CADPS: variants seen among roughly 807,000 people sequenced by gnomAD.
CADPS encodes calcium-dependent secretion activator 1.
In CADPS, 57 loss-of-function variants were observed where a neutral mutation model predicts 167.3. The ratio of observed to expected loss-of-function variants is 0.34; its 90% confidence interval spans 0.28 to 0.42. CADPS has a LOEUF of 0.42. CADPS is among the 20% of genes least tolerant of loss of function. The pLI is 1.00. For missense variants in CADPS, 1,414 were observed against 1,738.1 expected (o/e 0.81, Z 3.32); for synonymous variants, 676 against 635.3 (o/e 1.06, Z -0.96).
chr3:62,798,280 A>T (rs1179179009), intron 1 of CADPS, among the ~76,000 whole-genome samples: 1 of 152,144 alleles, frequency 6.6e-6, no homozygotes, highest in East Asian at 1.9e-4. Context: ...ATCAGCTGCC[A>T]GTGTGGCTAA....
At chr3:62,761,273 G>T (rs1052257755) in intron 2 of CADPS, among the ~76,000 whole-genome samples, 1 of 151,978 alleles carries the variant, frequency 6.6e-6, no homozygotes, top group Non-Finnish European at 1.5e-5. Context: ...TTTAATCACA[G>T]TCGGTTTCTG....
chr3:62,749,225 C>T (rs1200904432), intron 3 of CADPS, among the ~76,000 whole-genome samples: 1 of 152,224 alleles, frequency 6.6e-6, no homozygotes, highest in Non-Finnish European at 1.5e-5. Context: ...TTGTTAAACT[C>T]TCTTGCTTTT....
chr3:62,516,199 G>A lies in CADPS; in HGVS notation c.2458-17C>T, dbSNP rs748761852. 1.2e-6 allele frequency: 2 copies of A among 1,612,642 alleles called. No individual in the cohort carries two copies. The highest frequency in any genetic ancestry group is 1.7e-6 in the Non-Finnish European group (2 of 1,179,120). On this transcript the variant is annotated splice_polypyrimidine_tract_variant and intron_variant, in intron 15 of 29. Transcript: ENST00000383710. ...CATCAAAACCTTCAAGTAGGAAAAA[G>A]AGGGATTATTAAGAAGGTTCAAGCA...
At chr3:62,841,573 TG>T (rs2076652477) in intron 1 of CADPS, among the ~76,000 whole-genome samples, 1 of 152,020 alleles carries the variant, frequency 6.6e-6, no homozygotes, top group Non-Finnish European at 1.5e-5. Flanking sequence ...AAAAATTAGC[TG>T]GGCGTGGTGG....
At chr3:62,767,699 G>A (rs2087278652) in intron 1 of CADPS, among the ~76,000 whole-genome samples, 2 of 151,934 alleles carry the variant, frequency 1.3e-5, no homozygotes, top group African/African-American at 4.8e-5. Flanking sequence ...AGATTAAAAG[G>A]GGTTAGAAAT....
chr3:62,605,254 A>AAAC (rs1553982056), intron 6 of CADPS, among the ~76,000 whole-genome samples: 2 of 49,104 alleles, frequency 4.1e-5, no homozygotes, highest in African/African-American at 1.5e-4. Context: ...GAAAAACAAA[A>AAAC]AAAAAAAAAC....
intron 3 of CADPS, among the ~76,000 whole-genome samples, chr3:62,721,134 T>TAAA: frequency 4.3e-5 from 5 of 116,218 alleles, no homozygotes; most frequent in African/African-American, 1.7e-4. Context: ...TTTTTTTTTT[T>TAAA]AAAAAAAAAA....
Position 62,433,001 on chromosome 3 carries a change from T to G in CADPS, c.3777+5103A>C, listed in dbSNP as rs1157172118. ...CCTATGCACCTCTCCCCACTTCATA[T>G]TTTTGGAAGTGGTTTCCCTTACCTG... is the stretch of plus-strand genomic sequence containing the variant. On this transcript the variant is annotated intron_variant, in intron 28 of 29. Transcript: ENST00000383710. The surrounding 1 kb of genome is among the most constrained non-coding windows in gnomAD (Gnocchi z 4.7). 6.6e-6 allele frequency among the ~76,000 whole-genome samples: 1 copy of G among 152,144 alleles called. No individual in the cohort carries two copies. Among genetic ancestry groups the G allele is most frequent in the African/African-American group, 2.4e-5 (1 of 41,424 alleles).
At chr3:62,411,620 T>C (rs1027579456) in intron 28 of CADPS, among the ~76,000 whole-genome samples, 1 of 152,234 alleles carries the variant, frequency 6.6e-6, no homozygotes, top group Non-Finnish European at 1.5e-5. Flanking sequence ...TGTAGCTTCA[T>C]TAGCCTAAGC....
chr3:62,615,013 AT>A (rs1183373121), intron 6 of CADPS, among the ~76,000 whole-genome samples: 1 of 152,210 alleles, frequency 6.6e-6, no homozygotes, highest in African/African-American at 2.4e-5. Context: ...TGTTAGCAAT[AT>A]GTGATTTAGG....
chr3:62,541,981 T>A (rs2075768241), intron 11 of CADPS, among the ~76,000 whole-genome samples: 1 of 152,298 alleles, frequency 6.6e-6, no homozygotes, highest in Non-Finnish European at 1.5e-5. Flanking sequence ...TTTATTGAAA[T>A]TTTCCTATTA....
intron 1 of CADPS, among the ~76,000 whole-genome samples, chr3:62,773,454 GA>G (rs763441037): frequency 6.6e-6 from 1 of 152,044 alleles, no homozygotes; most frequent in Admixed American, 6.6e-5. Context: ...GTTGAAGGGG[GA>G]AAAACATATT....
chr3:62,853,635 A>AAAAAG (rs889148384), intron 1 of CADPS, among the ~76,000 whole-genome samples: 2,577 of 150,440 alleles, frequency 0.017, 81 homozygotes, highest in African/African-American at 0.06. Flanking sequence ...AAAAAAAAAA[A>AAAAAG]AAAAGAAAAG....
intron 9 of CADPS, among the ~76,000 whole-genome samples, chr3:62,570,625 A>G (rs2081113661): frequency 6.6e-6 from 1 of 152,222 alleles, no homozygotes; most frequent in Non-Finnish European, 1.5e-5. Flanking sequence ...AAAAATTATG[A>G]GTATTCATTA....
intron 6 of CADPS, among the ~76,000 whole-genome samples, chr3:62,624,911 G>A (rs1044638099): frequency 2.6e-5 from 4 of 152,068 alleles, no homozygotes; most frequent in Admixed American, 6.6e-5. Flanking sequence ...ATCCAGGTAT[G>A]AGCACCTGAC....
In CADPS at chr3:62,579,927, G is replaced by T. The variant is rs2083064532; in HGVS notation, c.1577+5258C>A. Among the ~76,000 whole-genome samples, 3 of 152,192 alleles carry T rather than the reference G, an allele frequency of 2.0e-5. No individual in the cohort carries two copies. The South Asian group carries it at 6.2e-4, about 32-fold the overall frequency. ...GAAGGGGAGCAGCAATGGAGGCTTG[G>T]AAGCCAATGGTGAGATGGAAGCAGG... On this transcript the variant is annotated intron_variant, in intron 8 of 29. Coordinates refer to ENST00000383710, the MANE Select transcript of CADPS (RefSeq NM_003716.4).
intron 1 of CADPS, among the ~76,000 whole-genome samples, chr3:62,770,498 C>A (rs2088336843): frequency 6.6e-6 from 1 of 152,020 alleles, no homozygotes; most frequent in African/African-American, 2.4e-5. Context: ...CCATGTCAGC[C>A]CACTGCAAAC....
chr3:62,414,642 T>G (rs2049654528), intron 28 of CADPS, among the ~76,000 whole-genome samples: 2 of 152,178 alleles, frequency 1.3e-5, no homozygotes, highest in African/African-American at 4.8e-5. Context: ...AAATACAGTG[T>G]GAGGCTTTGG....
chr3:62,564,283 G>C (rs1028064331), intron 9 of CADPS, among the ~76,000 whole-genome samples: 1 of 152,086 alleles, frequency 6.6e-6, no homozygotes, highest in Non-Finnish European at 1.5e-5. Flanking sequence ...TTACAGGCGT[G>C]AACCACCGTG....
Sources: gnomAD v4.1 joint callset for allele counts (sites outside exome capture counted in the v4.1 genomes callset) on GRCh38, gnomAD v4.1.1 for gene constraint, Gnocchi (gnomAD v3.1) non-coding constraint, MANE v1.5 for transcripts, NCBI Gene and HGNC (gene_info 2026-07-23, HGNC 2026-07-21) for gene names.